The following PCDH9 variants were observed in gnomAD, a reference collection of about 807,000 sequenced individuals.
PCDH9 encodes the protein protocadherin-9.
Under a neutral mutation model 70.6 loss-of-function variants are expected in PCDH9, and 24 were observed. That is an observed-to-expected ratio of 0.34 (90% confidence interval 0.25 to 0.48). The LOEUF (loss-of-function observed/expected upper bound fraction) is 0.48. Among genes scored for constraint, PCDH9 ranks in the 20% least tolerant of loss-of-function variants. PCDH9 has a pLI of 0.99. For missense variants in PCDH9, 1,281 were observed against 1,503.6 expected, an observed-to-expected ratio of 0.85 and a Z score of 2.45; for synonymous variants, 562 against 558.5, an observed-to-expected ratio of 1.01 and a Z score of -0.09.
chr13:66,997,869 A>G (rs957184155), intron 2 of PCDH9, among the ~76,000 whole-genome samples: 7 of 152,152 alleles, frequency 4.6e-5, no homozygotes, highest in African/African-American at 1.7e-4. Context: ...TAGAGGGAAC[A>G]AAACAACCAA....
chr13:67,059,887 T>TG lies in PCDH9; in HGVS notation c.3037-156283_3037-156282insC, dbSNP rs1432750616. On this transcript the variant is annotated intron_variant, in intron 2 of 4. Coordinates refer to ENST00000377865, the MANE Select transcript of PCDH9 (RefSeq NM_203487.3). ...TTGTTTGTTTTTTGTTTTTTGTTGTTTTTTTTTTTTCTGCATGACAGCCCA... is the reference window on the plus strand; with the variant it reads ...TTGTTTGTTTTTTGTTTTTTGTTGTTGTTTTTTTTTTCTGCATGACAGCCCA... Among the ~76,000 whole-genome samples the TG allele has an allele frequency of 4.0e-5, 6 of 150,506 alleles. No homozygotes were observed. The East Asian group carries it at 7.8e-4, about 20-fold the overall frequency.
intron 2 of PCDH9, among the ~76,000 whole-genome samples, chr13:66,980,984 T>C (rs972374637): frequency 1.3e-5 from 2 of 152,134 alleles, no homozygotes; most frequent in African/African-American, 4.8e-5. Context: ...CTTTGTGCAA[T>C]GCTTATTAAA....
chr13:66,556,432 G>C (rs908357520), intron 4 of PCDH9, among the ~76,000 whole-genome samples: 8 of 152,116 alleles, frequency 5.3e-5, no homozygotes, highest in South Asian at 2.1e-4. Context: ...AAAGAGACAG[G>C]CTGGAGAATT....
intron 4 of PCDH9, among the ~76,000 whole-genome samples, chr13:66,381,098 T>A (rs964065943): frequency 6.6e-6 from 1 of 152,202 alleles, no homozygotes; most frequent in Non-Finnish European, 1.5e-5. Context: ...TGAAATTATA[T>A]TTCAAAACTA....
intron 3 of PCDH9, among the ~76,000 whole-genome samples, chr13:66,849,685 G>A (rs187481691): frequency 2.6e-5 from 4 of 152,150 alleles, no homozygotes; most frequent in African/African-American, 9.6e-5. Context: ...GTCATTTGAA[G>A]AAGGCAAAGG....
chr13:66,637,384 T>C (rs1434465744), intron 3 of PCDH9, among the ~76,000 whole-genome samples: 3 of 152,228 alleles, frequency 2.0e-5, no homozygotes, highest in Admixed American at 2.0e-4. Flanking sequence ...TACTAGTACC[T>C]ATGTGTGTTC....
intron 2 of PCDH9, among the ~76,000 whole-genome samples, chr13:67,038,544 TAAAG>T (rs1488487439): frequency 6.6e-6 from 1 of 152,178 alleles, no homozygotes; most frequent in Non-Finnish European, 1.5e-5. Flanking sequence ...GCAAGCTGCC[TAAAG>T]AAAGATGCAC....
chr13:66,368,583 AT>A (rs1030106399), intron 4 of PCDH9, among the ~76,000 whole-genome samples: 2 of 151,926 alleles, frequency 1.3e-5, no homozygotes, highest in African/African-American at 4.8e-5. Context: ...GTATATATAT[AT>A]ATGTGTGTGT....
chr13:66,515,353 A>C (rs562245201), intron 4 of PCDH9, among the ~76,000 whole-genome samples: 1 of 152,164 alleles, frequency 6.6e-6, no homozygotes, highest in South Asian at 2.1e-4. Flanking sequence ...ACTATATGTG[A>C]ATCAGTTAAA....
At chr13:66,429,354 T>G (rs1440121894) in intron 4 of PCDH9, among the ~76,000 whole-genome samples, 1 of 151,402 alleles carries the variant, frequency 6.6e-6, no homozygotes, top group East Asian at 1.9e-4. Flanking sequence ...AGAAAAATCA[T>G]GTAAATGATG....
At chr13:66,501,245 T>C (rs1235970983) in intron 4 of PCDH9, among the ~76,000 whole-genome samples, 1 of 152,108 alleles carries the variant, frequency 6.6e-6, no homozygotes, top group Non-Finnish European at 1.5e-5. Flanking sequence ...TGCACTGCTT[T>C]CCTGTGAGGG....
At chr13:66,869,170 C>A (rs548645890) in intron 3 of PCDH9, among the ~76,000 whole-genome samples, 1 of 152,222 alleles carries the variant, frequency 6.6e-6, no homozygotes, top group Admixed American at 6.5e-5. Context: ...CAGTTCCTGG[C>A]CCCTCGCTAA....
intron 4 of PCDH9, among the ~76,000 whole-genome samples, chr13:66,461,916 T>C (rs972476354): frequency 6.6e-6 from 1 of 151,836 alleles, no homozygotes; most frequent in African/African-American, 2.4e-5. Flanking sequence ...ACATATATAG[T>C]CAGAGGCCTT....
At chr13:66,519,554 G>A (rs1016010723) in intron 4 of PCDH9, among the ~76,000 whole-genome samples, 4 of 152,032 alleles carry the variant, frequency 2.6e-5, no homozygotes, top group Admixed American at 6.6e-5. Context: ...TTAGTCTAGA[G>A]AATCCCTAAG....
chr13:66,435,124 C>G (rs765635448), intron 4 of PCDH9, among the ~76,000 whole-genome samples: 1 of 151,936 alleles, frequency 6.6e-6, no homozygotes, highest in Non-Finnish European at 1.5e-5. Context: ...TAAACTGTAA[C>G]CCATGATATG....
chr13:67,058,140 T>C (rs1288053682), intron 2 of PCDH9, among the ~76,000 whole-genome samples: 1 of 152,168 alleles, frequency 6.6e-6, no homozygotes, highest in African/African-American at 2.4e-5. Context: ...TGCTATGTTA[T>C]TGGAAAAGGA....
At chr13:66,647,946 C>A (rs570303232) in intron 3 of PCDH9, among the ~76,000 whole-genome samples, 1 of 151,994 alleles carries the variant, frequency 6.6e-6, no homozygotes, top group African/African-American at 2.4e-5. Context: ...GGGGAAGAGA[C>A]GGCCAGGGGG....
At chr13:66,471,101 C>T (rs181979305) in intron 4 of PCDH9, among the ~76,000 whole-genome samples, 5 of 151,988 alleles carry the variant, frequency 3.3e-5, no homozygotes, top group African/African-American at 7.2e-5. Context: ...CACCAAAGAA[C>T]GCTTGCCTAG....
chr13:66,938,775 G>T (rs778793861), intron 2 of PCDH9, among the ~76,000 whole-genome samples: 1 of 152,070 alleles, frequency 6.6e-6, no homozygotes, highest in Non-Finnish European at 1.5e-5. Flanking sequence ...ATATAATCAC[G>T]CTTTGCTTTT....
Sources: allele counts gnomAD v4.1 joint callset (sites outside exome capture counted in the v4.1 genomes callset), GRCh38; gene constraint gnomAD v4.1.1; transcripts MANE v1.5; gene names NCBI Gene and HGNC (gene_info 2026-07-23, HGNC 2026-07-21).